TENM3: variants seen among roughly 807,000 people sequenced by gnomAD.
TENM3 encodes the protein teneurin transmembrane protein 3, also known as teneurin-3.
Under a neutral mutation model 255.1 loss-of-function variants are expected in TENM3, and 63 were observed. That is an observed-to-expected ratio of 0.25 (90% CI 0.20 to 0.30). The LOEUF is 0.30. Ranked by LOEUF, TENM3 falls within the 10% of genes least tolerant of loss-of-function variation. The pLI is 1.00. For missense variants in TENM3, 2,929 were observed against 3,461.1 expected (o/e 0.85, Z 3.86); for synonymous variants, 1,306 against 1,322.3 (o/e 0.99, Z 0.27).
chr4:182,779,206 G>A (rs532456952), intron 24 of TENM3, among the ~76,000 whole-genome samples: 11 of 143,378 alleles, frequency 7.7e-5, no homozygotes, highest in South Asian at 2.4e-4. Flanking sequence ...ATCCCTCCCC[G>A]CTCCCCCCAC....
At chr4:181,909,400 A>T in the TENM3 span, among the ~76,000 whole-genome samples, 3 of 152,178 alleles carry the variant, frequency 2.0e-5, no homozygotes, top group African/African-American at 4.8e-5. Context: ...CCACAGACAA[A>T]GCCCCATACT....
the TENM3 span, among the ~76,000 whole-genome samples, chr4:181,550,002 G>A: frequency 6.6e-6 from 1 of 152,044 alleles, no homozygotes; most frequent in Non-Finnish European, 1.5e-5. Context: ...TTCCCATGGT[G>A]ACAAGAGTGC....
At chr4:182,037,083 A>T in the TENM3 span, among the ~76,000 whole-genome samples, 1 of 151,972 alleles carries the variant, frequency 6.6e-6, no homozygotes, top group African/African-American at 2.4e-5. Flanking sequence ...TTCTATATAG[A>T]TGTACTCTCA....
intron 1 of TENM3, among the ~76,000 whole-genome samples, chr4:182,236,010 A>T (rs1190069812): frequency 6.6e-6 from 1 of 152,220 alleles, no homozygotes; most frequent in Non-Finnish European, 1.5e-5. Context: ...ACATGACCAG[A>T]TTCACATTTG....
At chr4:182,214,097 T>C (rs553342162) in intron 1 of TENM3, among the ~76,000 whole-genome samples, 37 of 151,936 alleles carry the variant, frequency 2.4e-4, no homozygotes, top group Admixed American at 5.9e-4. Context: ...CCACCGCGCC[T>C]AGCCAGAAAT....
intron 6 of TENM3, among the ~76,000 whole-genome samples, chr4:182,668,045 A>T (rs1754868703): frequency 1.3e-5 from 2 of 152,054 alleles, no homozygotes; most frequent in African/African-American, 4.8e-5. Context: ...TAAAAAGGTT[A>T]TCTCTCTTTC....
chr4:182,154,822 C>T (rs1305859461), intron 1 of TENM3, among the ~76,000 whole-genome samples: 3 of 151,918 alleles, frequency 2.0e-5, no homozygotes, highest in African/African-American at 4.8e-5. Context: ...ATGTAATACA[C>T]GTGTATGTAA....
chr4:182,571,244 G>T (rs909508146), intron 3 of TENM3, among the ~76,000 whole-genome samples: 2 of 152,138 alleles, frequency 1.3e-5, no homozygotes, highest in African/African-American at 4.8e-5. Context: ...CTATACCTTA[G>T]GCCAGGCACG....
chr4:181,915,158 G>T, the TENM3 span, among the ~76,000 whole-genome samples: 1 of 152,120 alleles, frequency 6.6e-6, no homozygotes, highest in Non-Finnish European at 1.5e-5. Flanking sequence ...CTTAGAGTGC[G>T]TCTGGGCTGG....
chr4:181,721,762 G>C, the TENM3 span, among the ~76,000 whole-genome samples: 2 of 151,868 alleles, frequency 1.3e-5, no homozygotes, highest in African/African-American at 4.8e-5. Flanking sequence ...AGACCTGGTG[G>C]CCTAGTGTGG....
the TENM3 span, among the ~76,000 whole-genome samples, chr4:182,078,328 C>G: frequency 6.6e-6 from 1 of 152,078 alleles, no homozygotes; most frequent in Non-Finnish European, 1.5e-5. Context: ...TCAAGACCAT[C>G]TTGGCCAACA....
chr4:181,681,069 C>G, the TENM3 span, among the ~76,000 whole-genome samples: 7 of 151,834 alleles, frequency 4.6e-5, no homozygotes, highest in Non-Finnish European at 8.8e-5. Flanking sequence ...ATTCTTTTAG[C>G]TAATAAGAAA....
the TENM3 span, among the ~76,000 whole-genome samples, chr4:181,822,804 G>A: frequency 0.015 from 2,295 of 152,246 alleles, 71 homozygotes; most frequent in African/African-American, 0.053. Context: ...CTAGCTCTTA[G>A]GAAGTTCTAG....
chr4:181,992,577 A>C, the TENM3 span, among the ~76,000 whole-genome samples: 1 of 152,120 alleles, frequency 6.6e-6, no homozygotes, highest in Non-Finnish European at 1.5e-5. Flanking sequence ...ATCTCTTTAC[A>C]TTTTACATGT....
chr4:182,579,764 A>G (rs895651738), intron 3 of TENM3, among the ~76,000 whole-genome samples: 1 of 152,204 alleles, frequency 6.6e-6, no homozygotes, highest in African/African-American at 2.4e-5. Context: ...GTGAACCTTT[A>G]AAATCTCATC....
At chr4:182,606,571 C>CCTGAATT (rs1301354847) in intron 4 of TENM3, among the ~76,000 whole-genome samples, 7 of 150,154 alleles carry the variant, frequency 4.7e-5, no homozygotes, top group Non-Finnish European at 1.0e-4. Context: ...AAAATATGGT[C>CCTGAATT]CTGAATTTAC....
the TENM3 span, among the ~76,000 whole-genome samples, chr4:181,586,735 G>T: frequency 2.6e-5 from 4 of 152,102 alleles, no homozygotes; most frequent in African/African-American, 9.7e-5. Flanking sequence ...AGCTACTCGG[G>T]AGGCCAAGGC....
At chr4:181,716,673 G>A in the TENM3 span, among the ~76,000 whole-genome samples, 2 of 152,122 alleles carry the variant, frequency 1.3e-5, no homozygotes, top group African/African-American at 4.8e-5. Context: ...GGCTTTGGGA[G>A]AATTAAATGA....
intron 3 of TENM3, among the ~76,000 whole-genome samples, chr4:182,567,166 AC>A (rs1393160772): frequency 6.6e-6 from 1 of 152,130 alleles, no homozygotes; most frequent in African/African-American, 2.4e-5. Flanking sequence ...AGATTTGTTT[AC>A]CTTTTTTGTG....
Sources: allele counts gnomAD v4.1 joint callset (sites outside exome capture counted in the v4.1 genomes callset), GRCh38; gene constraint gnomAD v4.1.1; transcripts MANE v1.5; gene names NCBI Gene and HGNC (gene_info 2026-07-23, HGNC 2026-07-21).